The following UNC13A variants were observed in gnomAD, a reference collection of about 807,000 sequenced individuals.
UNC13A encodes protein unc-13 homolog A.
UNC13A carries 61 observed loss-of-function variants against 219.7 expected under a neutral mutation model. The observed-to-expected ratio is 0.28, with a 90% CI of 0.23 to 0.34. The LOEUF is 0.34. Ranked by LOEUF, UNC13A falls within the 10% of genes least tolerant of loss-of-function variation. UNC13A has a pLI of 1.00. For missense variants in UNC13A, 1,476 were observed against 2,270.3 expected (o/e 0.65, Z 7.11); for synonymous variants, 920 against 884.6 (o/e 1.04, Z -0.71).
chr19:17,666,879 CACGAGAGAGAGAGAGA>C (rs1368817299), intron 6 of UNC13A, among the ~76,000 whole-genome samples, 175 bp from the exon 7 acceptor site: 26 of 116,416 alleles, frequency 2.2e-4, no homozygotes, highest in Admixed American at 1.0e-3. Context: ...CACACACACA[CACGAGAGAGAGAGAGA>C]GAGAGAGAGA....
intron 12 of UNC13A, among the ~76,000 whole-genome samples, chr19:17,650,792 G>T (rs898380591): frequency 6.6e-6 from 1 of 151,540 alleles, no homozygotes; most frequent in Admixed American, 6.6e-5. Flanking sequence ...TTCGAAACAA[G>T]ATCTCACTCT....
At chr19:17,688,091 A>G (rs1255222187) in intron 1 of UNC13A, 87 bp downstream of exon 1, 2 of 1,468,460 alleles carry the variant, frequency 1.4e-6, no homozygotes, top group Non-Finnish European at 1.8e-6. Flanking sequence ...GTCACCCCCC[A>G]GGAACCCCCT....
rs1171652851 is a variant in UNC13A at position 17,602,963 on chromosome 19, C to T, written c.*3091G>A. The T allele has an allele frequency of 6.6e-6, 1 of 152,210 alleles. No individual in the cohort carries two copies. The highest frequency in any genetic ancestry group is 1.9e-4 in the East Asian group (1 of 5,184). 9.4% of individuals were successfully genotyped at this position (152,210 alleles called of 1,614,324 possible). A position where few individuals can be genotyped will look rare whatever the true frequency, so the allele number is the denominator to read the frequency against. ...AAACAGAGCTGGACAGAGAAACCCC[C>T]AGTCCCATGGCATCAGGCTGGACTG... is the stretch of plus-strand genomic sequence containing the variant. On this transcript the variant is annotated 3_prime_UTR_variant, in exon 44 of 44. Coordinates refer to ENST00000519716, the MANE Select transcript of UNC13A (RefSeq NM_001080421.3).
intron 43 of UNC13A, among the ~76,000 whole-genome samples, chr19:17,608,946 C>T (rs955753351): frequency 6.7e-6 from 1 of 149,736 alleles, no homozygotes; most frequent in African/African-American, 2.5e-5. Context: ...CCACCATGCT[C>T]GGCCAGAGCA....
At chr19:17,662,660 C>T (rs999818840) in intron 8 of UNC13A, among the ~76,000 whole-genome samples, 11 of 152,134 alleles carry the variant, frequency 7.2e-5, no homozygotes, top group Non-Finnish European at 1.0e-4. Flanking sequence ...ATGGCTCATG[C>T]CTGTAATCCC....
chr19:17,660,450 G>C (rs2079531161), intron 8 of UNC13A, among the ~76,000 whole-genome samples: 1 of 151,558 alleles, frequency 6.6e-6, no homozygotes, highest in Non-Finnish European at 1.5e-5. Context: ...TCTGTTTTCG[G>C]TTCAATTGTC....
rs1480856167 is a variant in UNC13A, at chr19:17,604,474, T to C, written c.*1580A>G. On this transcript the variant is annotated 3_prime_UTR_variant, in exon 44 of 44. Coordinates refer to ENST00000519716, the MANE Select transcript of UNC13A (RefSeq NM_001080421.3). ...GTTCCCCAGGCCTGGAGCTCTTTTC[T>C]CTCTAGTAAGTGGTTCCCTCTCATT... 6.6e-6 allele frequency: 1 copy of C among 152,166 alleles called. No homozygotes were observed. Among genetic ancestry groups the C allele is most frequent in the East Asian group, 1.9e-4 (1 of 5,194 alleles). 9.4% of individuals were successfully genotyped at this position (152,166 alleles called of 1,614,324 possible).
intron 41 of UNC13A, 24 bp downstream of exon 41, chr19:17,617,678 G>A (rs1464265932): frequency 6.2e-7 from 1 of 1,609,340 alleles, no homozygotes. Context: ...GCGGGAAAGG[G>A]TGATGCGGTC....
chr19:17,642,857 G>A lies in UNC13A; in HGVS notation c.2460C>T (p.Thr820=), dbSNP rs946060140. Residue 820 remains threonine (T), a synonymous_variant, in exon 20 of 44, where the codon ACC becomes ACT. Transcript: ENST00000519716. ...EKVAPYHVQY[T]CLHENLFHFV... is the part of the protein sequence containing the mutation. ...CAATGACCCTCACCTCATGCAGACA[G>A]GTGTACTGGACATGGTACGGGGCCA... 1 of 1,609,350 alleles carries A rather than the reference G, an allele frequency of 6.2e-7. No homozygotes were observed. Among genetic ancestry groups the A allele is most frequent in the African/African-American group, 1.3e-5 (1 of 75,006 alleles).
chr19:17,623,505 G>C, intron 36 of UNC13A, 37 bp downstream of exon 36: 2 of 1,523,742 alleles, frequency 1.3e-6, no homozygotes, highest in Non-Finnish European at 1.8e-6. Context: ...ACACAGAGAG[G>C]ACGGACAGAC....
chr19:17,626,966 G>T (rs2076790064), intron 33 of UNC13A, among the ~76,000 whole-genome samples, 181 bp from the exon 34 acceptor site: 1 of 152,178 alleles, frequency 6.6e-6, no homozygotes, highest in Admixed American at 6.5e-5. Context: ...GGCCAAGGCG[G>T]GCGGATCACG....
chr19:17,625,350 A>G (rs552367483), intron 34 of UNC13A, among the ~76,000 whole-genome samples: 13 of 152,272 alleles, frequency 8.5e-5, no homozygotes, highest in African/African-American at 2.9e-4. Context: ...CAAGAGGAAC[A>G]GGAGGGGAAT....
In UNC13A at chr19:17,656,099, C is replaced by G. The variant is rs2079447139; in HGVS notation, c.1067G>C (p.Gly356Ala). The stretch of plus-strand genomic sequence containing the variant: ...TACGTCTTCACGCTGGGCATAGCTG[C>G]CCAAATCGTCAGGCACCTCCTCCTC... Reference protein sequence around the residue: ...EEEEEVPDDLGSYAQREDVAV... With the variant: ...EEEEEVPDDLASYAQREDVAV... The change falls in exon 10 of 44, where the codon GGC becomes GCC. Residue 356 changes from glycine to alanine, a missense_variant. Around this residue, in one of 14 missense-constraint regions of UNC13A, gnomAD observed 351 missense variants for 342.6 expected, o/e 1.02. Transcript: ENST00000519716. 6.4e-7 allele frequency: 1 copy of G among 1,552,698 alleles called. No homozygotes were observed. The highest frequency in any genetic ancestry group is 8.7e-7 in the Non-Finnish European group (1 of 1,147,472).
At chr19:17,658,601 A>G (rs1213132598) in intron 8 of UNC13A, among the ~76,000 whole-genome samples, 3 of 151,974 alleles carry the variant, frequency 2.0e-5, no homozygotes, top group Non-Finnish European at 4.4e-5. Context: ...TCTGAAAATG[A>G]CATGGGATTT....
intron 8 of UNC13A, among the ~76,000 whole-genome samples, chr19:17,660,194 C>T (rs1473435325): frequency 1.3e-5 from 2 of 152,130 alleles, no homozygotes; most frequent in Non-Finnish European, 2.9e-5. Flanking sequence ...GCCACCTCGG[C>T]CGGCCAGCAT....
At chr19:17,623,625 G>C (rs2076753111) in intron 35 of UNC13A, 78 bp from the exon 36 acceptor site, 1 of 770,034 alleles carries the variant, frequency 1.3e-6, no homozygotes, top group East Asian at 3.3e-5. Flanking sequence ...GGCCAGGGAG[G>C]GGGCAGAGAT....
intron 9 of UNC13A, among the ~76,000 whole-genome samples, chr19:17,656,992 A>T (rs2079469351): frequency 6.6e-6 from 1 of 152,082 alleles, no homozygotes; most frequent in African/African-American, 2.4e-5. Flanking sequence ...CTCCACCTGG[A>T]AAAAGTATGG....
Position 17,630,731 on chromosome 19 carries a change from T to A in UNC13A, c.3448A>T (p.Ile1150Phe). The change falls in exon 29 of 44, where the codon ATC becomes TTC. Residue 1150 changes from isoleucine (I) to phenylalanine (F), a missense_variant. Around this residue, in one of 14 missense-constraint regions of UNC13A, gnomAD observed 218 missense variants for 409.4 expected, o/e 0.53. Transcript: ENST00000519716. ...TCCTCATTCTCATCCAGCCACTGGA[T>A]GACGAAGGGTTCAAACCATCTGGAA... ...EYPAWFEPFV[I>F]QWLDENEEVS... 1 of 1,613,834 alleles carries A rather than the reference T, an allele frequency of 6.2e-7. No homozygotes were observed. The highest frequency in any genetic ancestry group is 1.1e-5 in the South Asian group (1 of 91,078).
intron 1 of UNC13A, 130 bp from the exon 2 acceptor site, chr19:17,676,171 C>A: frequency 9.9e-7 from 1 of 1,014,344 alleles, no homozygotes; most frequent in Non-Finnish European, 1.5e-6. Context: ...GAGAGACAGG[C>A]AAAGATAAAA....
Sources: allele counts gnomAD v4.1 joint callset (sites outside exome capture counted in the v4.1 genomes callset), GRCh38; gene constraint gnomAD v4.1.1; regional missense constraint gnomAD v4.1.1; transcripts MANE v1.5; gene names NCBI Gene and HGNC (gene_info 2026-07-23, HGNC 2026-07-21).